Variants in ASH1L observed in about 807,000 individuals in gnomAD.
ASH1L encodes the protein histone-lysine N-methyltransferase ASH1L.
Under a neutral mutation model 269.0 loss-of-function variants are expected in ASH1L, and 23 were observed. The ratio of observed to expected loss-of-function variants is 0.09; its 90% CI spans 0.06 to 0.12. The LOEUF is 0.12. Ranked by LOEUF, ASH1L falls within the 10% of genes least tolerant of loss-of-function variation. The pLI is 1.00. For missense variants in ASH1L, 2,912 were observed against 3,567.8 expected, an observed-to-expected ratio of 0.82 and a Z score of 4.68; for synonymous variants, 1,187 against 1,253.5, an observed-to-expected ratio of 0.95 and a Z score of 1.12.
At chr1:155,404,820 GA>G (rs1209273594) in intron 6 of ASH1L, among the ~76,000 whole-genome samples, 1 of 152,048 alleles carries the variant, frequency 6.6e-6, no homozygotes, top group African/African-American at 2.4e-5. Flanking sequence ...ACGAGGTCAA[GA>G]GATCGAGACC....
At chr1:155,391,715 G>A (rs1657943455) in intron 7 of ASH1L, among the ~76,000 whole-genome samples, 1 of 152,176 alleles carries the variant, frequency 6.6e-6, no homozygotes, top group South Asian at 2.1e-4. Context: ...AGCACTTTGG[G>A]AGGCTGAGGT....
intron 5 of ASH1L, among the ~76,000 whole-genome samples, chr1:155,423,699 C>CT (rs1226065733): frequency 2.0e-5 from 3 of 152,174 alleles, no homozygotes; most frequent in Non-Finnish European, 4.4e-5. Flanking sequence ...TGCAAAATTC[C>CT]TTTTCTTTTT....
At chr1:155,503,591 A>G (rs995323699) in intron 2 of ASH1L, among the ~76,000 whole-genome samples, 3 of 152,260 alleles carry the variant, frequency 2.0e-5, no homozygotes, top group Admixed American at 6.5e-5. Flanking sequence ...GTATTCTCTC[A>G]ATTTAGGTCA....
chr1:155,495,638 G>A (rs1476739433), intron 2 of ASH1L, among the ~76,000 whole-genome samples: 2 of 152,102 alleles, frequency 1.3e-5, no homozygotes, highest in Non-Finnish European at 2.9e-5. Context: ...GTACACTACT[G>A]TTGACTTTAT....
At chr1:155,384,433 C>T (rs1657237528) in intron 7 of ASH1L, among the ~76,000 whole-genome samples, 1 of 152,020 alleles carries the variant, frequency 6.6e-6, no homozygotes, top group Admixed American at 6.6e-5. Context: ...ATTGTTTTAT[C>T]CTTATAGGTA....
At chr1:155,541,321 ATT>A (rs1212764392) in intron 1 of ASH1L, among the ~76,000 whole-genome samples, 5 of 151,944 alleles carry the variant, frequency 3.3e-5, no homozygotes, top group African/African-American at 9.7e-5. Context: ...AAAAATTGAT[ATT>A]TTTCTTTAAA....
At chr1:155,395,747 C>A (rs977135905) in intron 6 of ASH1L, among the ~76,000 whole-genome samples, 194 bp from the exon 7 acceptor site, 3 of 152,004 alleles carry the variant, frequency 2.0e-5, no homozygotes, top group Non-Finnish European at 4.4e-5. Flanking sequence ...GCCTGTAATC[C>A]CAATACTTTT....
intron 3 of ASH1L, among the ~76,000 whole-genome samples, chr1:155,477,017 T>C (rs951447773): frequency 7.9e-5 from 12 of 152,196 alleles, no homozygotes; most frequent in Non-Finnish European, 2.9e-5. Context: ...TGATGAAATT[T>C]TTCTAGATTA....
intron 3 of ASH1L, among the ~76,000 whole-genome samples, chr1:155,475,577 A>C (rs1422146207): frequency 6.6e-6 from 1 of 152,164 alleles, no homozygotes; most frequent in Non-Finnish European, 1.5e-5. Context: ...ATTTTTCTCA[A>C]TTAAGCCATT....
chr1:155,474,908 G>A (rs554107847), intron 3 of ASH1L, among the ~76,000 whole-genome samples: 1 of 152,168 alleles, frequency 6.6e-6, no homozygotes, highest in Non-Finnish European at 1.5e-5. Flanking sequence ...TCCATCCAGT[G>A]TTCATGCAGA....
intron 1 of ASH1L, among the ~76,000 whole-genome samples, chr1:155,529,930 C>T (rs1669541665): frequency 6.6e-6 from 1 of 151,502 alleles, no homozygotes; most frequent in South Asian, 2.1e-4. Context: ...CGCCACTGCA[C>T]TCCAGCCTAG....
chr1:155,414,152 G>T (rs1477175095), intron 6 of ASH1L, among the ~76,000 whole-genome samples: 2 of 152,002 alleles, frequency 1.3e-5, no homozygotes, highest in Non-Finnish European at 2.9e-5. Flanking sequence ...AGATATTCAT[G>T]ACTTTTTGAC....
chr1:155,337,873 C>T, intron 27 of ASH1L, 122 bp from the exon 28 acceptor site: 1 of 1,099,436 alleles, frequency 9.1e-7, no homozygotes, highest in Non-Finnish European at 1.3e-6. Context: ...GCAATTTAGC[C>T]CATCCTCCAA....
chr1:155,511,062 T>C (rs1306942627), intron 2 of ASH1L, among the ~76,000 whole-genome samples: 1 of 152,158 alleles, frequency 6.6e-6, no homozygotes, highest in Non-Finnish European at 1.5e-5. Context: ...GTAATAAAAG[T>C]ATGAAATATG....
At chr1:155,434,365 C>G in intron 5 of ASH1L, 2 of 1,495,424 alleles carry the variant, frequency 1.3e-6, no homozygotes, top group South Asian at 2.4e-5. Flanking sequence ...TCTTCATTCA[C>G]TAAGGAAGGA....
intron 4 of ASH1L, among the ~76,000 whole-genome samples, chr1:155,446,684 C>A (rs1267995427): frequency 6.8e-6 from 1 of 146,174 alleles, no homozygotes; most frequent in East Asian, 2.0e-4. Context: ...TGCAGTGGCG[C>A]GATCTCGGCT....
At chr1:155,431,134 C>T (rs973881078) in intron 5 of ASH1L, among the ~76,000 whole-genome samples, 2 of 151,858 alleles carry the variant, frequency 1.3e-5, no homozygotes, top group African/African-American at 2.4e-5. Flanking sequence ...TCGCTAGAAC[C>T]CAAGAGGTGG....
rs147120765 is a variant in ASH1L at position 155,552,493 on chromosome 1, G to C, written c.-100+9660C>G. On this transcript the variant is annotated intron_variant, in intron 1 of 27. Transcript: ENST00000392403. The stretch of plus-strand genomic sequence containing the variant: ...AAAAAAACAAAAAGAAGTTTTGATA[G>C]AAACTACAACAGGGTGGTGTCATGC... Among the ~76,000 whole-genome samples the C allele has an allele frequency of 4.2e-3, 640 of 151,546 alleles. 6 individuals are homozygous for C. The highest frequency in any genetic ancestry group is 0.015 in the African/African-American group (605 of 41,370).
At chr1:155,529,584 C>A (rs1414817532) in intron 1 of ASH1L, among the ~76,000 whole-genome samples, 1 of 151,990 alleles carries the variant, frequency 6.6e-6, no homozygotes, top group Non-Finnish European at 1.5e-5. Flanking sequence ...TGACATTAGA[C>A]CTTTGTCAGA....
Sources: gnomAD v4.1 joint callset for allele counts (sites outside exome capture counted in the v4.1 genomes callset) on GRCh38, gnomAD v4.1.1 for gene constraint, MANE v1.5 for transcripts, NCBI Gene and HGNC (gene_info 2026-07-23, HGNC 2026-07-21) for gene names.